Variants in PIEZO2 observed in about 807,000 individuals in gnomAD.
PIEZO2 encodes piezo-type mechanosensitive ion channel component 2.
In PIEZO2, 172 loss-of-function variants were observed where a neutral mutation model predicts 337.3. That is an observed-to-expected ratio of 0.51 (90% confidence interval 0.45 to 0.58). PIEZO2 has a LOEUF of 0.58. PIEZO2 is among the 20% of genes least tolerant of loss of function. The probability of loss-of-function intolerance (pLI) is 0.00; values close to 1 mark genes in which losing one functional copy is unlikely to be tolerated. For synonymous variants in PIEZO2, 1,251 were observed against 1,228.5 expected (o/e 1.02, Z -0.38); for missense variants, 3,028 against 3,391.3 (o/e 0.89, Z 2.66).
intron 1 of PIEZO2, among the ~76,000 whole-genome samples, chr18:11,074,439 A>G (rs1159007258): frequency 6.6e-6 from 1 of 152,244 alleles, no homozygotes; most frequent in African/African-American, 2.4e-5. Flanking sequence ...CCTGGTTTTA[A>G]CCATCCAAAA....
At chr18:10,719,015 A>AATT (rs1567981889) in intron 36 of PIEZO2, among the ~76,000 whole-genome samples, 14 of 150,534 alleles carry the variant, frequency 9.3e-5, no homozygotes, top group African/African-American at 3.5e-4. Flanking sequence ...ATAAATAAAT[A>AATT]AATAAATAAA....
rs548843190 is a variant in PIEZO2 at position 11,127,492 on chromosome 18, C to T, written c.64+21033G>A. Among the ~76,000 whole-genome samples the T allele has an allele frequency of 6.6e-6, 1 of 152,066 alleles. No individual in the cohort carries two copies. The highest frequency in any genetic ancestry group is 1.9e-4 in the East Asian group (1 of 5,144). ...AGCGAATATAAAGAAGGTAGGAAAA[C>T]GTGACAAGGAGGGACAGGCCTAGTC... On this transcript the variant is annotated intron_variant, in intron 1 of 55. Transcript: ENST00000674853. This position sits in a 1 kb window ranked among gnomAD's most constrained non-coding sequence, Gnocchi z 4.5.
At position 10,720,307 on chromosome 18, in the gene PIEZO2, G is replaced by C. The variant is rs868341149; in HGVS notation, c.5030-2048C>G. On this transcript the variant is annotated intron_variant, in intron 36 of 55. Transcript: ENST00000674853. Reference sequence around the variant, plus strand: ...TATCATATGTATATTCTCTCTCTCTGTGTGTATATATATATATATAATATA... The same window carrying C: ...TATCATATGTATATTCTCTCTCTCTCTGTGTATATATATATATATAATATA... Among the ~76,000 whole-genome samples, 41 of 123,814 alleles carry C rather than the reference G, an allele frequency of 3.3e-4. 1 individual carries two copies. In the South Asian group the frequency reaches 5.5e-3, roughly 17 times the overall value. The allele number at this position is 123,814 out of a possible 152,430, so 81.2% of individuals were successfully genotyped here.
chr18:10,750,209 T>G lies in PIEZO2; in HGVS notation c.4168-22A>C. The G allele has an allele frequency of 6.7e-7, 1 of 1,503,522 alleles. No individual in the cohort carries two copies. Among genetic ancestry groups the G allele is most frequent in the Non-Finnish European group, 9.0e-7 (1 of 1,116,208 alleles). The allele number at this position is 1,503,522 out of a possible 1,614,324, so 93.1% of individuals were successfully genotyped here. On this transcript the variant is annotated intron_variant, in intron 28 of 55. Coordinates refer to ENST00000674853, the MANE Select transcript of PIEZO2 (RefSeq NM_001378183.1). The surrounding 1 kb of genome is among the most constrained non-coding windows in gnomAD (Gnocchi z 4.1). Reference sequence around the variant, plus strand: ...CTATCTGAAAAACAAAAGAGGGGGATAATCCTGAAGCTCTGCAGCCAGAAA... The same window carrying G: ...CTATCTGAAAAACAAAAGAGGGGGAGAATCCTGAAGCTCTGCAGCCAGAAA...
intron 13 of PIEZO2, among the ~76,000 whole-genome samples, chr18:10,792,277 T>C (rs937420240): frequency 6.6e-6 from 1 of 152,234 alleles, no homozygotes; most frequent in Non-Finnish European, 1.5e-5. Flanking sequence ...AAAATAGCTT[T>C]ATTGATATAT....
intron 13 of PIEZO2, among the ~76,000 whole-genome samples, chr18:10,792,569 A>T (rs561014645): frequency 6.6e-6 from 1 of 152,288 alleles, no homozygotes; most frequent in African/African-American, 2.4e-5. Context: ...ACTTAGCATA[A>T]TGTTTTCTAG....
intron 4 of PIEZO2, among the ~76,000 whole-genome samples, chr18:10,910,508 A>C (rs2030378094): frequency 1.3e-5 from 2 of 152,126 alleles, no homozygotes; most frequent in Non-Finnish European, 2.9e-5. Flanking sequence ...ACTTGAACCC[A>C]GGAGGCAGAG....
chr18:10,680,273 A>G lies in PIEZO2; in HGVS notation c.7878T>C (p.Ser2626=). Residue 2626 remains serine, a synonymous_variant, in exon 52 of 56, where the codon AGT becomes AGC. Coordinates refer to ENST00000674853, the MANE Select transcript of PIEZO2 (RefSeq NM_001378183.1). ...GGAGTTCGTGTATCATTTTCTGCTT[A>G]CTGGGTGGGCTGATGGTCCACAAAG... ...SNSLWTISPP[S]KQKMIHELLD... 6.2e-7 allele frequency: 1 copy of G among 1,614,074 alleles called. No individual in the cohort carries two copies. Among genetic ancestry groups the G allele is most frequent in the Non-Finnish European group, 8.5e-7 (1 of 1,179,914 alleles).
chr18:10,866,575 A>G (rs545775013), intron 5 of PIEZO2, among the ~76,000 whole-genome samples: 1 of 152,224 alleles, frequency 6.6e-6, no homozygotes, highest in Non-Finnish European at 1.5e-5. Context: ...GTGGGCCACC[A>G]CACTTGGCCG....
rs541292876 is a variant in PIEZO2 at position 10,917,364 on chromosome 18, C to T, written c.287-6136G>A. ...TAATATAACACAAAAGGGTTTTTAACAGGCTCCTTTCATTTTGCAGTTTTA... is the reference window on the plus strand; with the variant it reads ...TAATATAACACAAAAGGGTTTTTAATAGGCTCCTTTCATTTTGCAGTTTTA... On this transcript the variant is annotated intron_variant, in intron 3 of 55. Coordinates refer to ENST00000674853, the MANE Select transcript of PIEZO2 (RefSeq NM_001378183.1). 3.9e-5 allele frequency among the ~76,000 whole-genome samples: 6 copies of T among 152,236 alleles called. No homozygotes were observed. In the East Asian group the frequency reaches 9.6e-4, roughly 24 times the overall value.
At chr18:10,690,589 C>G (rs1567951771) in intron 48 of PIEZO2, among the ~76,000 whole-genome samples, 1 of 152,206 alleles carries the variant, frequency 6.6e-6, no homozygotes, top group Non-Finnish European at 1.5e-5. Flanking sequence ...TTCACAGCAT[C>G]TGAAGGCACT....
rs1388570121 is a variant in PIEZO2 at position 10,791,316 on chromosome 18, GA to G, written c.1766del (p.Phe589SerfsTer9). Reference protein sequence around the residue: ...EPGELASKILFTITFWLLLRQ... With the variant: ...EPGELASKILXTITFWLLLRQ... ...TCAGCAGTAGCCAAAAAGTAATGGTGAAAAGGATCTGAAAGTAGAGAAGCAG... is the reference window on the plus strand; with the variant it reads ...TCAGCAGTAGCCAAAAAGTAATGGTGAAAGGATCTGAAAGTAGAGAAGCAG... On this transcript the variant is annotated frameshift_variant, in exon 14 of 56. Transcript: ENST00000674853. LOFTEE classifies it high-confidence loss of function. 3.3e-6 allele frequency: 5 copies of G among 1,509,874 alleles called. No homozygotes were observed. Among genetic ancestry groups the G allele is most frequent in the Admixed American group, 4.4e-5 (2 of 45,148 alleles). 93.5% of individuals were successfully genotyped at this position (1,509,874 alleles called of 1,614,324 possible).
At position 11,129,784 on chromosome 18, in the gene PIEZO2, G is replaced by A. The variant is rs548433968; in HGVS notation, c.64+18741C>T. Among the ~76,000 whole-genome samples the A allele has an allele frequency of 1.3e-5, 2 of 152,274 alleles. No homozygotes were observed. Among genetic ancestry groups the A allele is most frequent in the South Asian group, 2.1e-4 (1 of 4,822 alleles). On this transcript the variant is annotated intron_variant, in intron 1 of 55. Coordinates refer to ENST00000674853, the MANE Select transcript of PIEZO2 (RefSeq NM_001378183.1). The surrounding 1 kb of genome is among the most constrained non-coding windows in gnomAD (Gnocchi z 4.6). ...CTACTGGCTCTGGCTCTGAGCTGACGTTGGATCCAGGGGACCCAAAATGTC... is the reference window on the plus strand; with the variant it reads ...CTACTGGCTCTGGCTCTGAGCTGACATTGGATCCAGGGGACCCAAAATGTC...
In PIEZO2 at chr18:10,677,958, T is replaced by G; in HGVS notation, c.7953-83A>C. On this transcript the variant is annotated intron_variant, in intron 52 of 55. Transcript: ENST00000674853. This position sits in a 1 kb window ranked among gnomAD's most constrained non-coding sequence, Gnocchi z 4.1. ...ATTTACAACATATTTAACTCTTAAT[T>G]TGATTAATGTCACCACGTTTTCATT... 1 of 1,329,322 alleles carries G rather than the reference T, an allele frequency of 7.5e-7. No individual in the cohort carries two copies. The highest frequency in any genetic ancestry group is 1.0e-6 in the Non-Finnish European group (1 of 995,402). The allele number at this position is 1,329,322 out of a possible 1,614,324, so 82.3% of individuals were successfully genotyped here. A position where few individuals can be genotyped will look rare whatever the true frequency, so the allele number is the denominator to read the frequency against.
chr18:11,039,006 T>C (rs1402689538), intron 2 of PIEZO2, among the ~76,000 whole-genome samples: 1 of 152,208 alleles, frequency 6.6e-6, no homozygotes, highest in Non-Finnish European at 1.5e-5. Context: ...AGATATTGTT[T>C]AGGATATGTG....
In PIEZO2 at chr18:10,921,641, G is replaced by A. The variant is rs550357680; in HGVS notation, c.287-10413C>T. Reference sequence around the variant, plus strand: ...GAAATCTGGGCACCTTGAAAAAAGAGCAGGATAACAGCAATTGTTCAGGGA... The same window carrying A: ...GAAATCTGGGCACCTTGAAAAAAGAACAGGATAACAGCAATTGTTCAGGGA... On this transcript the variant is annotated intron_variant, in intron 3 of 55. Coordinates refer to ENST00000674853, the MANE Select transcript of PIEZO2 (RefSeq NM_001378183.1). Among the ~76,000 whole-genome samples, 3 of 152,262 alleles carry A rather than the reference G, an allele frequency of 2.0e-5. No homozygotes were observed. The South Asian group carries it at 6.2e-4, about 32-fold the overall frequency.
chr18:10,676,548 T>C lies in PIEZO2; in HGVS notation c.8081+1199A>G, dbSNP rs1442745369. ...AATTTCCTTTTACCCCTTGTCCTCC[T>C]CAACCGTGTATACTCTACCCCCATT... On this transcript the variant is annotated intron_variant, in intron 53 of 55. Transcript: ENST00000674853. This position sits in a 1 kb window ranked among gnomAD's most constrained non-coding sequence, Gnocchi z 5.1. Among the ~76,000 whole-genome samples, 8 of 152,230 alleles carry C rather than the reference T, an allele frequency of 5.3e-5. No homozygotes were observed. Among genetic ancestry groups the C allele is most frequent in the Admixed American group, 2.6e-4 (4 of 15,284 alleles).
At chr18:10,981,087 A>T (rs943828487) in intron 2 of PIEZO2, among the ~76,000 whole-genome samples, 1 of 152,182 alleles carries the variant, frequency 6.6e-6, no homozygotes, top group Non-Finnish European at 1.5e-5. Flanking sequence ...GCCAGCTTAT[A>T]TATCAATTGT....
rs750184732 is a variant in PIEZO2 at position 11,001,062 on chromosome 18, G to A, written c.161-21402C>T. Among the ~76,000 whole-genome samples, 8 of 152,174 alleles carry A rather than the reference G, an allele frequency of 5.3e-5. No individual in the cohort carries two copies. Among genetic ancestry groups the A allele is most frequent in the Non-Finnish European group, 7.3e-5 (5 of 68,036 alleles). Reference sequence around the variant, plus strand: ...TATTGGAAAGGAACTCAGCTGTTAGGAGTCATGAGTCAACCACCCCTGGAA... The same window carrying A: ...TATTGGAAAGGAACTCAGCTGTTAGAAGTCATGAGTCAACCACCCCTGGAA... On this transcript the variant is annotated intron_variant, in intron 2 of 55. Coordinates refer to ENST00000674853, the MANE Select transcript of PIEZO2 (RefSeq NM_001378183.1). The surrounding 1 kb of genome is among the most constrained non-coding windows in gnomAD (Gnocchi z 5.3).
Sources: gnomAD v4.1 joint callset for allele counts (sites outside exome capture counted in the v4.1 genomes callset) on GRCh38, gnomAD v4.1.1 for gene constraint, Gnocchi (gnomAD v3.1) non-coding constraint, MANE v1.5 for transcripts, NCBI Gene and HGNC (gene_info 2026-07-23, HGNC 2026-07-21) for gene names.